PIP5K1A: variants seen among roughly 807,000 people sequenced by gnomAD.
PIP5K1A encodes phosphatidylinositol-4-phosphate 5-kinase type 1 alpha, also known as phosphatidylinositol 4-phosphate 5-kinase type-1 alpha.
PIP5K1A carries 46 observed loss-of-function variants against 72.9 expected under a neutral mutation model. The observed-to-expected ratio is 0.63, with a 90% CI of 0.50 to 0.81. PIP5K1A has a LOEUF of 0.81. Among genes scored for constraint, PIP5K1A ranks in the 30% least tolerant of loss-of-function variants. The pLI is 0.00. For missense variants in PIP5K1A, 458 were observed against 706.1 expected (o/e 0.65, Z 3.98); for synonymous variants, 228 against 255.1 (o/e 0.89, Z 1.01).
intron 1 of PIP5K1A, among the ~76,000 whole-genome samples, chr1:151,211,832 G>A (rs587721094): frequency 2.7e-5 from 4 of 150,422 alleles, no homozygotes; most frequent in African/African-American, 4.9e-5. Flanking sequence ...GGCCGGGTGC[G>A]GTGGCTCACG....
rs1170539698 is a variant in PIP5K1A at position 151,199,613 on chromosome 1, C to CAA, written c.85+546_85+547dup. ...TGGGCGAGAGAGTGAGACCCTGTCT[C>CAA]AAAAAAAAAAAAAAAGAAGTTGCGG... On this transcript the variant is annotated intron_variant, in intron 1 of 15. Transcript: ENST00000368888. 8.7e-3 allele frequency among the ~76,000 whole-genome samples: 757 copies of CAA among 87,000 alleles called. 8 individuals carry two copies. Among genetic ancestry groups the CAA allele is most frequent in the African/African-American group, 0.03 (719 of 24,086 alleles). The allele number at this position is 87,000 out of a possible 152,430, so 57.1% of individuals were successfully genotyped here. A position where few individuals can be genotyped will look rare whatever the true frequency, so the allele number is the denominator to read the frequency against.
At position 151,246,908 on chromosome 1, in the gene PIP5K1A, T is replaced by A; in HGVS notation, c.1641-12T>A. On this transcript the variant is annotated splice_polypyrimidine_tract_variant and intron_variant, in intron 14 of 15. Transcript: ENST00000368888. The stretch of plus-strand genomic sequence containing the variant: ...CTTTTTCTCTCTGCTTCCATTTTTT[T>A]TCTCCTGTTAGTACAACCTTGGAAA... 6.2e-7 allele frequency: 1 copy of A among 1,607,838 alleles called. No individual in the cohort carries two copies. The highest frequency in any genetic ancestry group is 1.7e-5 in the Admixed American group (1 of 59,910).
chr1:151,244,279 C>T (rs587766269), intron 14 of PIP5K1A, among the ~76,000 whole-genome samples: 13 of 151,400 alleles, frequency 8.6e-5, no homozygotes, highest in Admixed American at 7.9e-4. Flanking sequence ...TGTCATTATT[C>T]CCTGAACAAT....
At chr1:151,227,288 G>GCC (rs1190325104) in intron 3 of PIP5K1A, 32 bp from the exon 4 acceptor site, 1 of 1,366,562 alleles carries the variant, frequency 7.3e-7, no homozygotes, top group South Asian at 1.2e-5. Context: ...TCTTACATGG[G>GCC]AATTGTATTA....
chr1:151,224,269 T>C lies in PIP5K1A; in HGVS notation c.110T>C (p.Met37Thr). 1 of 1,613,448 alleles carries C rather than the reference T, an allele frequency of 6.2e-7. No individual in the cohort carries two copies. The highest frequency in any genetic ancestry group is 8.5e-7 in the Non-Finnish European group (1 of 1,179,428). The part of the protein sequence containing the change: ...SSAASGIKRP[M>T]ASEVLEARQD... ...GCAGCATCTGGAATCAAGAGACCCA[T>C]GGCATCTGAGGTGAGTTTCATACTG... The change falls in exon 2 of 16, where the codon ATG (methionine) becomes ACG (threonine). Residue 37 changes from methionine (M) to threonine (T), a missense_variant. By Grantham distance (81) the Met-to-Thr change is moderately conservative. This residue lies in a region of PIP5K1A where 81 missense variants were observed against 88.0 expected (regional missense o/e 0.92). Transcript: ENST00000368888.
At position 151,234,427 on chromosome 1, in the gene PIP5K1A, C is replaced by T. The variant is rs1019612237; in HGVS notation, c.870C>T (p.Ile290=). ...TFKDLDFLQD[I]PDGLFLDADM... Reference sequence around the variant, plus strand: ...AAGACCTAGACTTCTTACAAGACATCCCTGATGGTCTTTTTTTGGATGCTG... The same window carrying T: ...AAGACCTAGACTTCTTACAAGACATTCCTGATGGTCTTTTTTTGGATGCTG... Residue 290 remains isoleucine, a synonymous_variant, in exon 8 of 16, where the codon ATC becomes ATT. Coordinates refer to ENST00000368888, the MANE Select transcript of PIP5K1A (RefSeq NM_001135638.2). 4.3e-6 allele frequency: 7 copies of T among 1,613,608 alleles called. No individual in the cohort carries two copies. The Admixed American group carries it at 8.3e-5, about 19-fold the overall frequency.
At chr1:151,228,440 G>T (rs1413452541) in intron 4 of PIP5K1A, among the ~76,000 whole-genome samples, 1 of 152,140 alleles carries the variant, frequency 6.6e-6, no homozygotes, top group East Asian at 1.9e-4. Flanking sequence ...GTGATTGACC[G>T]TGTCTCACCC....
At chr1:151,236,524 C>A in intron 8 of PIP5K1A, 34 bp from the exon 9 acceptor site, 1 of 1,439,680 alleles carries the variant, frequency 6.9e-7, no homozygotes, top group Non-Finnish European at 9.6e-7. Flanking sequence ...TTATTTCTTC[C>A]AAGGCTCAGA....
At chr1:151,210,401 G>A (rs914648384) in intron 1 of PIP5K1A, among the ~76,000 whole-genome samples, 6 of 149,232 alleles carry the variant, frequency 4.0e-5, no homozygotes, top group Non-Finnish European at 5.9e-5. Context: ...TTGCTCAGTC[G>A]ATCTCAAACT....
chr1:151,199,416 G>T (rs1408224110), intron 1 of PIP5K1A, among the ~76,000 whole-genome samples: 1 of 152,026 alleles, frequency 6.6e-6, no homozygotes, highest in Non-Finnish European at 1.5e-5. Context: ...AGTTCGAGAC[G>T]AGCCTGGCCA....
At chr1:151,245,455 A>G (rs773274050) in intron 14 of PIP5K1A, among the ~76,000 whole-genome samples, 13 of 151,798 alleles carry the variant, frequency 8.6e-5, no homozygotes, top group Non-Finnish European at 1.3e-4. Context: ...GCCACCCCCA[A>G]TGTTTTGTTT....
intron 4 of PIP5K1A, among the ~76,000 whole-genome samples, chr1:151,228,111 A>G (rs777199326): frequency 1.8e-4 from 28 of 152,152 alleles, no homozygotes; most frequent in Admixed American, 1.4e-3. Flanking sequence ...TGATACAAAT[A>G]TACACAATAG....
Position 151,221,078 on chromosome 1 carries a change from A to G in PIP5K1A, c.86-3167A>G, listed in dbSNP as rs144665936. Among the ~76,000 whole-genome samples the G allele has an allele frequency of 1.7e-3, 261 of 152,296 alleles. 1 individual carries two copies. The highest frequency in any genetic ancestry group is 6.1e-3 in the African/African-American group (253 of 41,574). ...TAATCAACACCCAAACAGGTTTCAC[A>G]TATTCCATTTGGTTATTTCTCTCTT... On this transcript the variant is annotated intron_variant, in intron 1 of 15. Transcript: ENST00000368888.
chr1:151,242,659 C>A (rs1294672152), intron 14 of PIP5K1A, 92 bp downstream of exon 14: 4 of 1,110,458 alleles, frequency 3.6e-6, no homozygotes, highest in Admixed American at 4.2e-5. Flanking sequence ...TAATAAATTA[C>A]CCCAAAGATT....
intron 1 of PIP5K1A, among the ~76,000 whole-genome samples, chr1:151,201,695 C>T (rs1260193919): frequency 4.6e-5 from 7 of 151,756 alleles, no homozygotes; most frequent in Non-Finnish European, 4.4e-5. Flanking sequence ...CCCATCTCTA[C>T]TAAAAAATAC....
At chr1:151,220,268 T>G (rs1349034520) in intron 1 of PIP5K1A, among the ~76,000 whole-genome samples, 2 of 152,102 alleles carry the variant, frequency 1.3e-5, no homozygotes, top group Non-Finnish European at 2.9e-5. Flanking sequence ...CCTCCCCAAG[T>G]GCTGGGATTA....
intron 1 of PIP5K1A, among the ~76,000 whole-genome samples, chr1:151,215,287 C>T (rs1687428592): frequency 6.6e-6 from 1 of 151,404 alleles, no homozygotes; most frequent in Non-Finnish European, 1.5e-5. Context: ...ATCCTCCCGC[C>T]TTGGCCTCCC....
At chr1:151,205,467 C>T (rs759187260) in intron 1 of PIP5K1A, among the ~76,000 whole-genome samples, 9 of 151,886 alleles carry the variant, frequency 5.9e-5, no homozygotes, top group Non-Finnish European at 1.2e-4. Flanking sequence ...TGAGCTACTG[C>T]CCGGCCTCTC....
chr1:151,212,699 C>T (rs962621716), intron 1 of PIP5K1A, among the ~76,000 whole-genome samples: 2 of 149,346 alleles, frequency 1.3e-5, no homozygotes, highest in African/African-American at 2.5e-5. Flanking sequence ...CTCAGCTTCT[C>T]GAGTAGCTGG....
Sources: gnomAD v4.1 joint callset for allele counts (sites outside exome capture counted in the v4.1 genomes callset) on GRCh38, gnomAD v4.1.1 for gene constraint, gnomAD v4.1.1 regional missense constraint, MANE v1.5 for transcripts, NCBI Gene and HGNC (gene_info 2026-07-23, HGNC 2026-07-21) for gene names.